CLMP: variants seen among roughly 807,000 people sequenced by gnomAD.
CLMP encodes the protein CXADR-like membrane protein.
In CLMP, 27 loss-of-function variants were observed where a neutral mutation model predicts 45.2. The observed-to-expected ratio is 0.60, with a 90% CI of 0.44 to 0.82. The LOEUF is 0.82. CLMP is among the 40% of genes least tolerant of loss of function. The probability of loss-of-function intolerance (pLI) is 0.00; values close to 1 mark genes in which losing one functional copy is unlikely to be tolerated. For missense variants in CLMP, 403 were observed against 448.4 expected, an observed-to-expected ratio of 0.90 and a Z score of 0.91; for synonymous variants, 167 against 171.4, an observed-to-expected ratio of 0.97 and a Z score of 0.20.
intron 1 of CLMP, among the ~76,000 whole-genome samples, chr11:123,181,293 A>G (rs1356946787): frequency 2.6e-5 from 4 of 152,154 alleles, no homozygotes; most frequent in Non-Finnish European, 5.9e-5. Flanking sequence ...GTGAGACTGA[A>G]CAATTTCACA....
intron 5 of CLMP, among the ~76,000 whole-genome samples, chr11:123,075,686 C>A (rs1865731280): frequency 1.3e-5 from 2 of 152,028 alleles, no homozygotes; most frequent in African/African-American, 4.8e-5. Flanking sequence ...CGCGCGCAAC[C>A]AAGTGGTTAT....
intron 1 of CLMP, among the ~76,000 whole-genome samples, chr11:123,170,643 G>A (rs774324299): frequency 6.6e-6 from 1 of 152,084 alleles, no homozygotes; most frequent in African/African-American, 2.4e-5. Flanking sequence ...GTTTCACCAT[G>A]TTGGCCAAGC....
At chr11:123,111,351 G>C (rs2135491295) in intron 1 of CLMP, among the ~76,000 whole-genome samples, 1 of 152,218 alleles carries the variant, frequency 6.6e-6, no homozygotes, top group African/African-American at 2.4e-5. Context: ...GGCTGGCATG[G>C]AACTCCTGAC....
Position 123,097,893 on chromosome 11 carries a change from T to C in CLMP, c.88A>G (p.Lys30Glu). 5 of 1,610,004 alleles carry C rather than the reference T, an allele frequency of 3.1e-6. No homozygotes were observed. Among genetic ancestry groups the C allele is most frequent in the Non-Finnish European group, 4.2e-6 (5 of 1,178,206 alleles). ...TGATGGTGGCAGGGCAAAGTGACCT[T>C]TTCCTCTGCCACTCTCTTGATCTCA... is the stretch of plus-strand genomic sequence containing the variant. ...HTEIKRVAEE[K>E]VTLPCHHQLG... Residue 30 changes from lysine to glutamate, a missense_variant, in exon 2 of 7, where the codon AAG (lysine) becomes GAG (glutamate). By Grantham distance (56) the Lys-to-Glu change is moderately conservative (BLOSUM62 1). Coordinates refer to ENST00000448775, the MANE Select transcript of CLMP (RefSeq NM_024769.5).
intron 1 of CLMP, among the ~76,000 whole-genome samples, chr11:123,151,487 TTAAGCGTCTAAC>T (rs1386919970): frequency 6.6e-6 from 1 of 152,242 alleles, no homozygotes; most frequent in Non-Finnish European, 1.5e-5. Flanking sequence ...AAGGTATTTA[TTAAGCGTCTAAC>T]TACAGAAGCA....
intron 1 of CLMP, among the ~76,000 whole-genome samples, chr11:123,133,870 A>G (rs1332434831): frequency 4.6e-5 from 7 of 151,998 alleles, no homozygotes; most frequent in South Asian, 2.1e-4. Flanking sequence ...CCCTTTTCCC[A>G]TGATTTTTTA....
chr11:123,096,837 G>A (rs1031939697), intron 2 of CLMP, among the ~76,000 whole-genome samples: 1 of 152,158 alleles, frequency 6.6e-6, no homozygotes, highest in Admixed American at 6.6e-5. Context: ...TAGAAACAGT[G>A]TCTGGGTCTG....
At chr11:123,167,688 C>A (rs1565402192) in intron 1 of CLMP, among the ~76,000 whole-genome samples, 1 of 152,184 alleles carries the variant, frequency 6.6e-6, no homozygotes, top group Non-Finnish European at 1.5e-5. Flanking sequence ...AAAGCAATGA[C>A]CCTGGATTAT....
At chr11:123,150,276 G>C (rs574194127) in intron 1 of CLMP, among the ~76,000 whole-genome samples, 2 of 151,034 alleles carry the variant, frequency 1.3e-5, no homozygotes, top group South Asian at 4.2e-4. Flanking sequence ...AGATAGGCTT[G>C]AGAACAATAG....
intron 1 of CLMP, among the ~76,000 whole-genome samples, chr11:123,132,333 C>T (rs962075134): frequency 3.3e-5 from 5 of 152,190 alleles, no homozygotes; most frequent in Admixed American, 1.3e-4. Context: ...GAAAGCTATT[C>T]GGAAGGCCCA....
intron 5 of CLMP, among the ~76,000 whole-genome samples, chr11:123,076,169 A>G (rs978961783): frequency 5.9e-5 from 9 of 152,146 alleles, no homozygotes; most frequent in Non-Finnish European, 1.0e-4. Context: ...AAAAAAAAAA[A>G]ATTTTGAGTA....
chr11:123,183,037 G>C (rs930731893), intron 1 of CLMP, among the ~76,000 whole-genome samples: 2 of 152,168 alleles, frequency 1.3e-5, no homozygotes, highest in African/African-American at 2.4e-5. Flanking sequence ...ATTCAGGTAT[G>C]AATCTTCATT....
At chr11:123,174,942 C>A (rs115716852) in intron 1 of CLMP, among the ~76,000 whole-genome samples, 1,703 of 152,220 alleles carry the variant, frequency 0.011, 32 homozygotes, top group African/African-American at 0.035. Context: ...CTCTCTATTG[C>A]AAAAGTGGTA....
chr11:123,093,154 C>T (rs1393114462), intron 2 of CLMP, among the ~76,000 whole-genome samples: 1 of 152,012 alleles, frequency 6.6e-6, no homozygotes, highest in Non-Finnish European at 1.5e-5. Flanking sequence ...GATCCACTGG[C>T]CTCAGCCTCC....
At chr11:123,081,878 G>A (rs1486336832) in intron 5 of CLMP, among the ~76,000 whole-genome samples, 2 of 145,660 alleles carry the variant, frequency 1.4e-5, no homozygotes, top group African/African-American at 2.6e-5. Flanking sequence ...AAAAAAAAAA[G>A]GAAAAAAAGA....
At chr11:123,084,432 A>G in intron 3 of CLMP, 80 bp downstream of exon 3, 1 of 1,145,204 alleles carries the variant, frequency 8.7e-7, no homozygotes, top group South Asian at 1.3e-5. Flanking sequence ...GATGTTTTGT[A>G]CCACCGTGAT....
intron 5 of CLMP, among the ~76,000 whole-genome samples, chr11:123,075,438 G>A (rs1865727225): frequency 6.6e-6 from 1 of 152,002 alleles, no homozygotes; most frequent in South Asian, 2.1e-4. Context: ...CCAGACTGGA[G>A]TGCAGTGACG....
chr11:123,087,353 G>T (rs371610705), intron 2 of CLMP, among the ~76,000 whole-genome samples: 4 of 151,224 alleles, frequency 2.6e-5, no homozygotes, highest in African/African-American at 9.7e-5. Context: ...AAAAAAGAAA[G>T]AAAGAAAAAA....
chr11:123,132,722 G>A (rs894915043), intron 1 of CLMP, among the ~76,000 whole-genome samples: 3 of 151,924 alleles, frequency 2.0e-5, no homozygotes, highest in African/African-American at 7.3e-5. Flanking sequence ...GCCTCCCAAA[G>A]TGCTGGGATT....
Sources: allele counts gnomAD v4.1 joint callset (sites outside exome capture counted in the v4.1 genomes callset), GRCh38; gene constraint gnomAD v4.1.1; transcripts MANE v1.5; gene names NCBI Gene and HGNC (gene_info 2026-07-23, HGNC 2026-07-21).